HNRNPF: variants seen among roughly 807,000 people sequenced by gnomAD.
HNRNPF encodes the protein heterogeneous nuclear ribonucleoprotein F.
Under a neutral mutation model 26.0 loss-of-function variants are expected in HNRNPF, and 2 were observed. That is an observed-to-expected ratio of 0.08 (90% CI 0.03 to 0.24). The LOEUF (loss-of-function observed/expected upper bound fraction) is 0.24, where lower values mean the gene tolerates loss of function less well. Among genes scored for constraint, HNRNPF ranks in the 10% least tolerant of loss-of-function variants. HNRNPF has a pLI of 1.00. For synonymous variants in HNRNPF, 234 were observed against 211.5 expected (o/e 1.11, Z -0.92); for missense variants, 299 against 539.2 (o/e 0.55, Z 4.41).
chr10:43,405,438 C>T (rs1303001908), intron 1 of HNRNPF, among the ~76,000 whole-genome samples: 3 of 152,120 alleles, frequency 2.0e-5, no homozygotes, highest in Admixed American at 1.3e-4. Flanking sequence ...CGGCGGATCA[C>T]GAGGTCAGGA....
At chr10:43,408,520 C>G (rs1007508805) in intron 1 of HNRNPF, among the ~76,000 whole-genome samples, 4 of 152,176 alleles carry the variant, frequency 2.6e-5, no homozygotes, top group Admixed American at 6.5e-5. Context: ...TCAGATCGCT[C>G]TTCCCTGATC....
chr10:43,399,874 A>T lies in HNRNPF; in HGVS notation c.-246-3284T>A, dbSNP rs552459244. 1.2e-4 allele frequency among the ~76,000 whole-genome samples: 19 copies of T among 152,358 alleles called. No homozygotes were observed. In the South Asian group the frequency reaches 3.7e-3, roughly 30 times the overall value. Reference sequence around the variant, plus strand: ...GAGTAGGAAATCAAGAAATGTACAAATATATGATGACAAATTTTAGAATGA... The same window carrying T: ...GAGTAGGAAATCAAGAAATGTACAATTATATGATGACAAATTTTAGAATGA... On this transcript the variant is annotated intron_variant, in intron 1 of 3. Coordinates refer to ENST00000682386, the MANE Select transcript of HNRNPF (RefSeq NM_001098204.2).
In HNRNPF at chr10:43,387,420, C is replaced by T. The variant is rs201673393; in HGVS notation, c.465G>A (p.Ala155=). 78 of 1,614,118 alleles carry T rather than the reference C, an allele frequency of 4.8e-5. No individual in the cohort carries two copies. Among genetic ancestry groups the T allele is most frequent in the Middle Eastern group, 1.6e-4 (1 of 6,084 alleles). ...ACTCCTGCGAGGCAAACTGCACGAA[C>T]GCTTCCCCTGTAATCTTGCCTTCGG... The part of the protein sequence containing the change: ...VDPEGKITGE[A]FVQFASQELA... Residue 155 remains alanine, a synonymous_variant, in exon 4 of 4, where the codon GCG becomes GCA. Coordinates refer to ENST00000682386, the MANE Select transcript of HNRNPF (RefSeq NM_001098204.2). The surrounding 1 kb of genome is among the most constrained non-coding windows in gnomAD (Gnocchi z 6.0).
chr10:43,387,548 C>T lies in HNRNPF; in HGVS notation c.337G>A (p.Val113Met), dbSNP rs763741730. 1.2e-6 allele frequency: 2 copies of T among 1,614,198 alleles called. No homozygotes were observed. The highest frequency in any genetic ancestry group is 1.7e-6 in the Non-Finnish European group (2 of 1,180,038). Residue 113 changes from valine (V) to methionine (M), a missense_variant, in exon 4 of 4, where the codon GTG (valine) becomes ATG (methionine). By Grantham distance (21) the Val-to-Met change is conservative (BLOSUM62 1). Transcript: ENST00000682386. This position sits in a 1 kb window ranked among gnomAD's most constrained non-coding sequence, Gnocchi z 6.0. ...NSADSANDGF[V>M]RLRGLPFGCT... ...CCAAATGGGAGTCCTCGAAGCCGCA[C>T]GAAGCCATCGTTGGCGCTGTCGGCA... is the stretch of plus-strand genomic sequence containing the variant.
intron 3 of HNRNPF, among the ~76,000 whole-genome samples, chr10:43,393,161 A>G (rs1317697161): frequency 1.3e-5 from 2 of 152,250 alleles, no homozygotes; most frequent in Non-Finnish European, 2.9e-5. Context: ...ATGGCAGCCT[A>G]TGAACTCAGT....
chr10:43,398,339 T>C (rs1588996428), intron 1 of HNRNPF, among the ~76,000 whole-genome samples: 1 of 133,510 alleles, frequency 7.5e-6, no homozygotes, highest in East Asian at 2.1e-4. Context: ...GAGTTTGTTG[T>C]TGTTGTTTTT....
At chr10:43,390,401 T>C (rs1258553400) in intron 3 of HNRNPF, among the ~76,000 whole-genome samples, 1 of 152,166 alleles carries the variant, frequency 6.6e-6, no homozygotes, top group African/African-American at 2.4e-5. Context: ...GGTCCAGCCA[T>C]CGTTCCGGGT....
At position 43,387,053 on chromosome 10, in the gene HNRNPF, C is replaced by T. The variant is rs1467208341; in HGVS notation, c.832G>A (p.Asp278Asn). The T allele has an allele frequency of 6.2e-6, 10 of 1,612,848 alleles. No individual in the cohort carries two copies. The highest frequency in any genetic ancestry group is 3.3e-5 in the Admixed American group (2 of 60,018). ...GTGCTCTGCACTGTGAACTCACTGTCGCCGTATCTGTGGTCATACATTCCG... is the reference window on the plus strand; with the variant it reads ...GTGCTCTGCACTGTGAACTCACTGTTGCCGTATCTGTGGTCATACATTCCG... ...LSGMYDHRYG[D>N]SEFTVQSTTG... The change falls in exon 4 of 4, where the codon GAC becomes AAC. Residue 278 changes from aspartate to asparagine, a missense_variant. By Grantham distance (23) the Asp-to-Asn change is conservative (BLOSUM62 1). Transcript: ENST00000682386. This position sits in a 1 kb window ranked among gnomAD's most constrained non-coding sequence, Gnocchi z 6.0.
chr10:43,396,305 A>G (rs1838510706), intron 2 of HNRNPF, among the ~76,000 whole-genome samples, 151 bp downstream of exon 2: 1 of 152,114 alleles, frequency 6.6e-6, no homozygotes, highest in Non-Finnish European at 1.5e-5. Flanking sequence ...CCCCTCCTAG[A>G]CACACTCCCG....
chr10:43,404,306 A>AG (rs1838844728), intron 1 of HNRNPF, among the ~76,000 whole-genome samples: 1 of 151,724 alleles, frequency 6.6e-6, no homozygotes, highest in Non-Finnish European at 1.5e-5. Flanking sequence ...GTCTATAAAA[A>AG]AAAAAAAAAA....
chr10:43,389,711 A>G (rs1463197940), intron 3 of HNRNPF, among the ~76,000 whole-genome samples: 1 of 152,218 alleles, frequency 6.6e-6, no homozygotes, highest in African/African-American at 2.4e-5. Context: ...TCCTGAACAC[A>G]TCACCAAGAC....
At chr10:43,388,131 G>A (rs1838104032) in intron 3 of HNRNPF, among the ~76,000 whole-genome samples, 195 bp from the exon 4 acceptor site, 1 of 152,124 alleles carries the variant, frequency 6.6e-6, no homozygotes, top group Non-Finnish European at 1.5e-5. Flanking sequence ...TACAAGACAG[G>A]ACGATGCATG....
Position 43,386,748 on chromosome 10 carries a change from G to T in HNRNPF, c.1137C>A (p.Gly379=). The change falls in exon 4 of 4, where the codon GGC becomes GGA. Residue 379 remains glycine, a synonymous_variant. Transcript: ENST00000682386. ...TGGCCTGGGCAGCAGACACCCCCAT[G>T]CCTTGCATCACCTGGCTGCTATACG... ...NGAYSSQVMQ[G]MGVSAAQATY... is the part of the protein sequence containing the mutation. 1.2e-6 allele frequency: 2 copies of T among 1,614,160 alleles called. No individual in the cohort carries two copies. Among genetic ancestry groups the T allele is most frequent in the South Asian group, 2.2e-5 (2 of 91,078 alleles).
intron 3 of HNRNPF, among the ~76,000 whole-genome samples, chr10:43,390,888 T>C (rs7900284): frequency 0.18 from 27,394 of 152,046 alleles, 2,662 homozygotes; most frequent in Non-Finnish European, 0.2. Context: ...GCTGCATCCC[T>C]GGTCTCTGCC....
chr10:43,407,083 G>T (rs988927169), intron 1 of HNRNPF, among the ~76,000 whole-genome samples: 4 of 152,140 alleles, frequency 2.6e-5, no homozygotes, highest in Non-Finnish European at 4.4e-5. Flanking sequence ...TAACTAAGTA[G>T]AAAGAATTAT....
At chr10:43,402,580 T>C (rs912319701) in intron 1 of HNRNPF, among the ~76,000 whole-genome samples, 2 of 152,234 alleles carry the variant, frequency 1.3e-5, no homozygotes, top group African/African-American at 4.8e-5. Flanking sequence ...AGCATACTAA[T>C]ACAACGTGTT....
rs959652635 is a variant in HNRNPF at position 43,387,846 on chromosome 10, G to A, written c.39C>T (p.Val13=). 2 of 1,613,424 alleles carry A rather than the reference G, an allele frequency of 1.2e-6. No homozygotes were observed. The highest frequency in any genetic ancestry group is 1.7e-6 in the Non-Finnish European group (2 of 1,179,604). ...AGGACCAGGGCAGGCCACGGAGCTTGACCACAAAGCCTTCACCTCCCTCAG... is the reference window on the plus strand; with the variant it reads ...AGGACCAGGGCAGGCCACGGAGCTTAACCACAAAGCCTTCACCTCCCTCAG... ...LGPEGGEGFV[V]KLRGLPWSCS... is the part of the protein sequence containing the mutation. Residue 13 remains valine (V), a synonymous_variant, in exon 4 of 4, where the codon GTC becomes GTT. Transcript: ENST00000682386. The surrounding 1 kb of genome is among the most constrained non-coding windows in gnomAD (Gnocchi z 6.0).
At chr10:43,389,852 G>C (rs1328788448) in intron 3 of HNRNPF, among the ~76,000 whole-genome samples, 1 of 152,128 alleles carries the variant, frequency 6.6e-6, no homozygotes, top group Non-Finnish European at 1.5e-5. Context: ...AGAGTCAAGG[G>C]GAGCCTAACC....
At position 43,393,939 on chromosome 10, in the gene HNRNPF, C is replaced by T. The variant is rs573061670; in HGVS notation, c.-53+691G>A. Among the ~76,000 whole-genome samples, 3 of 152,340 alleles carry T rather than the reference C, an allele frequency of 2.0e-5. No homozygotes were observed. The Middle Eastern group carries it at 0.01, about 518-fold the overall frequency. ...TTCTGTCTACCTAAATCCCACTAAT[C>T]CTTAAGGTCTAAGCTCAAATACACC... On this transcript the variant is annotated intron_variant, in intron 3 of 3. Coordinates refer to ENST00000682386, the MANE Select transcript of HNRNPF (RefSeq NM_001098204.2).
Sources: allele counts gnomAD v4.1 joint callset (sites outside exome capture counted in the v4.1 genomes callset), GRCh38; gene constraint gnomAD v4.1.1; non-coding constraint Gnocchi (gnomAD v3.1); transcripts MANE v1.5; gene names NCBI Gene and HGNC (gene_info 2026-07-23, HGNC 2026-07-21).